The following MYLK variants were observed in gnomAD, a reference collection of about 807,000 sequenced individuals.
MYLK encodes myosin light chain kinase, also known as myosin light chain kinase, smooth muscle.
Under a neutral mutation model 203.4 loss-of-function variants are expected in MYLK, and 106 were observed. That is an observed-to-expected ratio of 0.52 (90% CI 0.45 to 0.61). The LOEUF is 0.61. MYLK is among the 20% of genes least tolerant of loss of function. The pLI is 0.00. For synonymous variants in MYLK, 867 were observed against 959.5 expected, an observed-to-expected ratio of 0.90 and a Z score of 1.78; for missense variants, 2,072 against 2,442.3, an observed-to-expected ratio of 0.85 and a Z score of 3.20.
chr3:123,743,289 GGA>G (rs2062914442), intron 5 of MYLK, among the ~76,000 whole-genome samples: 1 of 152,162 alleles, frequency 6.6e-6, no homozygotes, highest in Non-Finnish European at 1.5e-5. Flanking sequence ...AGAATGCTGG[GGA>G]GAGATACTTC....
intron 8 of MYLK, among the ~76,000 whole-genome samples, chr3:123,736,135 G>C (rs2062665648): frequency 6.6e-6 from 1 of 152,150 alleles, no homozygotes; most frequent in African/African-American, 2.4e-5. Context: ...AGGTCCTCCG[G>C]TCAGGACCAG....
chr3:123,855,267 G>A (rs549970373), intron 2 of MYLK, among the ~76,000 whole-genome samples: 29 of 151,928 alleles, frequency 1.9e-4, no homozygotes, highest in East Asian at 1.2e-3. Context: ...CCTTTAAACC[G>A]TTCTTTCATG....
intron 19 of MYLK, among the ~76,000 whole-genome samples, chr3:123,685,106 C>T (rs1003278475): frequency 1.3e-5 from 2 of 152,220 alleles, no homozygotes; most frequent in Non-Finnish European, 2.9e-5. Flanking sequence ...AGCATCACCA[C>T]AGTAGAGGCC....
intron 2 of MYLK, among the ~76,000 whole-genome samples, chr3:123,839,801 T>C (rs974400840): frequency 6.6e-6 from 1 of 152,182 alleles, no homozygotes; most frequent in Non-Finnish European, 1.5e-5. Context: ...TCTGGGCTAC[T>C]AAACAAACCT....
chr3:123,717,931 C>T (rs1262946128), intron 13 of MYLK, among the ~76,000 whole-genome samples: 1 of 149,038 alleles, frequency 6.7e-6, no homozygotes, highest in Non-Finnish European at 1.5e-5. Flanking sequence ...TTACGGCTCA[C>T]TGCAACTGCA....
At chr3:123,669,297 T>C (rs2108360077) in intron 20 of MYLK, among the ~76,000 whole-genome samples, 1 of 152,278 alleles carries the variant, frequency 6.6e-6, no homozygotes, top group East Asian at 1.9e-4. Context: ...GGGCCTACTG[T>C]GTGCCAGGCA....
At chr3:123,829,497 C>T (rs1006526653) in intron 3 of MYLK, among the ~76,000 whole-genome samples, 1 of 152,014 alleles carries the variant, frequency 6.6e-6, no homozygotes, top group Admixed American at 6.6e-5. Context: ...AAAATTACAG[C>T]TAGATAAGAA....
chr3:123,620,458 T>A, intron 31 of MYLK, 122 bp from the exon 32 acceptor site: 1 of 1,585,558 alleles, frequency 6.3e-7, no homozygotes, highest in Non-Finnish European at 8.6e-7. Context: ...AACAAGGACC[T>A]CCTGAGAGCC....
intron 20 of MYLK, among the ~76,000 whole-genome samples, chr3:123,679,877 A>G (rs1346770140): frequency 6.6e-6 from 1 of 152,084 alleles, no homozygotes; most frequent in Non-Finnish European, 1.5e-5. Context: ...AGGCAGTTCC[A>G]CACTTAACAG....
intron 20 of MYLK, among the ~76,000 whole-genome samples, chr3:123,673,311 A>T (rs1278795210): frequency 1.3e-5 from 2 of 151,552 alleles, no homozygotes; most frequent in East Asian, 3.9e-4. Flanking sequence ...GTAGAGACTC[A>T]CTATGTTGCG....
intron 2 of MYLK, among the ~76,000 whole-genome samples, chr3:123,852,021 G>C (rs2030867587): frequency 6.6e-6 from 1 of 152,148 alleles, no homozygotes; most frequent in African/African-American, 2.4e-5. Flanking sequence ...TTTTGTCTTT[G>C]GTTCTGTTAA....
Position 123,640,082 on chromosome 3 carries a change from T to G in MYLK, c.4837+205A>C, listed in dbSNP as rs571609471. Among the ~76,000 whole-genome samples, 5 of 152,132 alleles carry G rather than the reference T, an allele frequency of 3.3e-5. 1 individual carries two copies. The South Asian group carries it at 1.0e-3, about 32-fold the overall frequency. The stretch of plus-strand genomic sequence containing the variant: ...CCTCCTAACAAATCTGTGAGTTAGG[T>G]CCTACTATGATCCCACTTTTCTGAT... On this transcript the variant is annotated intron_variant, in intron 28 of 33. Transcript: ENST00000360304. The surrounding 1 kb of genome is among the most constrained non-coding windows in gnomAD (Gnocchi z 4.3).
intron 13 of MYLK, among the ~76,000 whole-genome samples, chr3:123,713,643 T>C (rs1224926848): frequency 6.8e-6 from 1 of 146,972 alleles, no homozygotes; most frequent in Admixed American, 6.9e-5. Flanking sequence ...TGCAATTCAT[T>C]CCAAAGCCAA....
chr3:123,740,349 T>G (rs904122801), intron 5 of MYLK, among the ~76,000 whole-genome samples: 1 of 152,232 alleles, frequency 6.6e-6, no homozygotes, highest in African/African-American at 2.4e-5. Context: ...CCTGCTGAGT[T>G]GTTAGGGTAG....
Position 123,733,844 on chromosome 3 carries a change from G to A in MYLK, c.1152C>T (p.Thr384=), listed in dbSNP as rs745621677. The part of the protein sequence containing the change: ...PAPPRPATFP[T]RQPGLGSQDV... Reference sequence around the variant, plus strand: ...CTTGGCTCCCCAGGCCAGGCTGCCTGGTGGGGAAGGTGGCTGGACGGGGAG... The same window carrying A: ...CTTGGCTCCCCAGGCCAGGCTGCCTAGTGGGGAAGGTGGCTGGACGGGGAG... The change falls in exon 10 of 34, where the codon ACC becomes ACT. Residue 384 remains threonine (T), a synonymous_variant. Coordinates refer to ENST00000360304, the MANE Select transcript of MYLK (RefSeq NM_053025.4). 2 of 1,614,102 alleles carry A rather than the reference G, an allele frequency of 1.2e-6. No homozygotes were observed. Among genetic ancestry groups the A allele is most frequent in the South Asian group, 2.2e-5 (2 of 90,974 alleles).
intron 3 of MYLK, 33 bp from the exon 4 acceptor site, chr3:123,793,877 TCAGA>T (rs769938627): frequency 1.2e-6 from 2 of 1,613,418 alleles, no homozygotes; most frequent in East Asian, 2.2e-5. Flanking sequence ...CAAGGTCAGA[TCAGA>T]CAAAGCACAG....
intron 4 of MYLK, among the ~76,000 whole-genome samples, chr3:123,764,458 G>C (rs746456251): frequency 2.4e-4 from 37 of 152,196 alleles, no homozygotes; most frequent in Non-Finnish European, 5.0e-4. Context: ...TTGCTGCTTT[G>C]GTGGTGTGGG....
chr3:123,720,509 CAAG>C (rs907869573), intron 13 of MYLK, among the ~76,000 whole-genome samples: 7 of 152,184 alleles, frequency 4.6e-5, no homozygotes, highest in Non-Finnish European at 7.3e-5. Flanking sequence ...CGCTGGCCTC[CAAG>C]AAGAGCCCCC....
intron 2 of MYLK, among the ~76,000 whole-genome samples, 160 bp from the exon 3 acceptor site, chr3:123,831,830 G>A (rs2066339847): frequency 1.3e-5 from 2 of 152,200 alleles, no homozygotes; most frequent in Non-Finnish European, 1.5e-5. Flanking sequence ...ACCGTGTGGG[G>A]GGGTTATACG....
Sources: gnomAD v4.1 joint callset for allele counts (sites outside exome capture counted in the v4.1 genomes callset) on GRCh38, gnomAD v4.1.1 for gene constraint, Gnocchi (gnomAD v3.1) non-coding constraint, MANE v1.5 for transcripts, NCBI Gene and HGNC (gene_info 2026-07-23, HGNC 2026-07-21) for gene names.